SPRY1: variants seen among roughly 807,000 people sequenced by gnomAD.
SPRY1 encodes the protein sprouty RTK signaling antagonist 1.
Under a neutral mutation model 22.6 loss-of-function variants are expected in SPRY1, and 20 were observed. That is an observed-to-expected ratio of 0.89 (90% CI 0.62 to 1.29). SPRY1 has a LOEUF of 1.29. Among genes scored for constraint, SPRY1 ranks in the 50% most tolerant of loss-of-function variants. The pLI is 0.00. For synonymous variants in SPRY1, 155 were observed against 144.7 expected (o/e 1.07, Z -0.51); for missense variants, 446 against 387.7 (o/e 1.15, Z -1.26).
At chr4:123,398,141 C>T (rs187210310) in intron 2 of SPRY1, 1 of 152,380 alleles carries the variant, frequency 6.6e-6, no homozygotes, top group Non-Finnish European at 1.5e-5. Context: ...TCCGCCACTC[C>T]CCTACTTGTT....
At position 123,401,709 on chromosome 4, in the gene SPRY1, T is replaced by C; in HGVS notation, c.118T>C (p.Ser40Pro). ...AGAGATTCAGCCTACTGCTATTTTG[T>C]CCTTAGACCAGATCAAGGCCATAAG... ...EREIQPTAIL[S>P]LDQIKAIRGS... The change falls in exon 3 of 3, where the codon TCC (serine) becomes CCC (proline). Residue 40 changes from serine to proline, a missense_variant. Transcript: ENST00000651917. The C allele has an allele frequency of 1.2e-6, 2 of 1,614,094 alleles. No individual in the cohort carries two copies. The highest frequency in any genetic ancestry group is 1.7e-6 in the Non-Finnish European group (2 of 1,180,026).
At chr4:123,401,343 C>T (rs970169904) in intron 2 of SPRY1, among the ~76,000 whole-genome samples, 194 bp from the exon 3 acceptor site, 4 of 152,148 alleles carry the variant, frequency 2.6e-5, no homozygotes, top group Non-Finnish European at 5.9e-5. Context: ...TTATAGTCTT[C>T]CTCTATGATG....
rs1374752156 is a variant in SPRY1 at position 123,402,435 on chromosome 4, C to A, written c.844C>A (p.Leu282Met). 1.2e-6 allele frequency: 2 copies of A among 1,614,056 alleles called. No individual in the cohort carries two copies. Among genetic ancestry groups the A allele is most frequent in the African/African-American group, 2.7e-5 (2 of 74,936 alleles). The change falls in exon 3 of 3, where the codon CTG becomes ATG. Residue 282 changes from leucine (L) to methionine (M), a missense_variant. Transcript: ENST00000651917. The part of the protein sequence containing the change: ...CYPPAKGCLK[L>M]CRRCYDWIHR... ...TCCTCCTGCTAAAGGATGCCTGAAGCTGTGCAGGAGGTGTTATGACTGGAT... is the reference window on the plus strand; with the variant it reads ...TCCTCCTGCTAAAGGATGCCTGAAGATGTGCAGGAGGTGTTATGACTGGAT...
chr4:123,400,036 C>G (rs1194348662), intron 2 of SPRY1: 2 of 152,214 alleles, frequency 1.3e-5, no homozygotes, highest in Non-Finnish European at 2.9e-5. Flanking sequence ...ATGGGTTACA[C>G]TATTCAAATC....
At chr4:123,397,127 C>T (rs957216535) in intron 1 of SPRY1, among the ~76,000 whole-genome samples, 195 bp downstream of exon 1, 8 of 152,134 alleles carry the variant, frequency 5.3e-5, no homozygotes, top group Admixed American at 2.6e-4. Context: ...AAAGAAAAAG[C>T]AGGGTCCCTT....
At position 123,401,798 on chromosome 4, in the gene SPRY1, A is replaced by G; in HGVS notation, c.207A>G (p.Pro69=). ...VVKRPAPRTA[P]RQEKHERTHE... is the part of the protein sequence containing the mutation. Reference sequence around the variant, plus strand: ...AAAGACCTGCTCCTCGGACAGCACCAAGACAAGAAAAGCATGAAAGGACTC... The same window carrying G: ...AAAGACCTGCTCCTCGGACAGCACCGAGACAAGAAAAGCATGAAAGGACTC... The change falls in exon 3 of 3, where the codon CCA becomes CCG. Residue 69 remains proline (P), a synonymous_variant. Transcript: ENST00000651917. The G allele has an allele frequency of 6.2e-7, 1 of 1,614,248 alleles. No homozygotes were observed. The highest frequency in any genetic ancestry group is 8.5e-7 in the Non-Finnish European group (1 of 1,180,036).
chr4:123,402,558 GA>G lies in SPRY1; in HGVS notation c.*8del. 6.3e-7 allele frequency: 1 copy of G among 1,595,942 alleles called. No individual in the cohort carries two copies. The highest frequency in any genetic ancestry group is 2.2e-5 in the East Asian group (1 of 44,466). On this transcript the variant is annotated 3_prime_UTR_variant, in exon 3 of 3. Coordinates refer to ENST00000651917, the MANE Select transcript of SPRY1 (RefSeq NM_001258038.2). ...TCAGGGTAAACCATCATGATTTTTGGAGGTGGGTTGTACCTCCTGAACTTTT... is the reference window on the plus strand; with the variant it reads ...TCAGGGTAAACCATCATGATTTTTGGGGTGGGTTGTACCTCCTGAACTTTT...
chr4:123,400,110 T>G (rs1265853707), intron 2 of SPRY1: 1 of 152,174 alleles, frequency 6.6e-6, no homozygotes, highest in East Asian at 1.9e-4. Context: ...AGCACTGAGT[T>G]AAGAAGTTCT....
rs372465638 is a variant in SPRY1, at chr4:123,402,971, C to CT, written c.*421dup. On this transcript the variant is annotated 3_prime_UTR_variant, in exon 3 of 3. Coordinates refer to ENST00000651917, the MANE Select transcript of SPRY1 (RefSeq NM_001258038.2). ...GCAACTGTTTAATTGCTTAAATAAG[C>CT]TATGTATTAAATCTGTCTCCAGTTA... 54 of 425,746 alleles carry CT rather than the reference C, an allele frequency of 1.3e-4. No homozygotes were observed. Among genetic ancestry groups the CT allele is most frequent in the African/African-American group, 1.0e-3 (51 of 48,878 alleles). 26.4% of individuals were successfully genotyped at this position (425,746 alleles called of 1,614,324 possible).
rs374778958 is a variant in SPRY1, at chr4:123,401,578, C to T, written c.-14C>T. On this transcript the variant is annotated 5_prime_UTR_variant, in exon 3 of 3. The change creates a premature stop within an existing upstream ORF in the 5' untranslated region. Transcript: ENST00000651917. ...CAGGTTTCCACTGATTGCCAGAACT[C>T]GAGATCACTACACATGGATCCCCAA... 3.7e-6 allele frequency: 6 copies of T among 1,604,996 alleles called. No homozygotes were observed. Among genetic ancestry groups the T allele is most frequent in the Non-Finnish European group, 3.4e-6 (4 of 1,173,456 alleles).
intron 2 of SPRY1, chr4:123,400,202 T>TG (rs1725091483): frequency 6.6e-6 from 1 of 152,104 alleles, no homozygotes. Flanking sequence ...TATGAATGTG[T>TG]TACTCCTCAT....
rs1163076321 is a variant in SPRY1, at chr4:123,402,973, A to G, written c.*422A>G. The G allele has an allele frequency of 1.4e-5, 6 of 425,434 alleles. No homozygotes were observed. The highest frequency in any genetic ancestry group is 2.2e-5 in the Non-Finnish European group (5 of 232,538). The allele number at this position is 425,434 out of a possible 1,614,324, so 26.4% of individuals were successfully genotyped here. A position where few individuals can be genotyped will look rare whatever the true frequency, so the allele number is the denominator to read the frequency against. On this transcript the variant is annotated 3_prime_UTR_variant, in exon 3 of 3. Coordinates refer to ENST00000651917, the MANE Select transcript of SPRY1 (RefSeq NM_001258038.2). ...AACTGTTTAATTGCTTAAATAAGCT[A>G]TGTATTAAATCTGTCTCCAGTTAGG...
chr4:123,401,760 C>T lies in SPRY1; in HGVS notation c.169C>T (p.Pro57Ser). The change falls in exon 3 of 3, where the codon CCT becomes TCT. Residue 57 changes from proline to serine, a missense_variant. Physicochemically the swap from Pro to Ser is moderately conservative, Grantham distance 74 (BLOSUM62 -1). Transcript: ENST00000651917. ...AGGCAGCAATGAATACACAGAAGGG[C>T]CTTCGGTGGTGAAAAGACCTGCTCC... ...IRGSNEYTEG[P>S]SVVKRPAPRT... The T allele has an allele frequency of 6.2e-7, 1 of 1,614,168 alleles. No individual in the cohort carries two copies. Among genetic ancestry groups the T allele is most frequent in the South Asian group, 1.1e-5 (1 of 91,072 alleles).
At chr4:123,399,136 G>C (rs1280948083) in intron 2 of SPRY1, among the ~76,000 whole-genome samples, 1 of 152,122 alleles carries the variant, frequency 6.6e-6, no homozygotes, top group Non-Finnish European at 1.5e-5. Flanking sequence ...CAGCACTTGG[G>C]GGGGCCGAGG....
Position 123,403,135 on chromosome 4 carries a change from T to TAA in SPRY1, c.*585_*586insAA, listed in dbSNP as rs1376989535. ...TTCCCCCTCAGTTTTGTTGTTGTCTTACTCTGGAGATGCCAAGTGTATTTT... is the reference window on the plus strand; with the variant it reads ...TTCCCCCTCAGTTTTGTTGTTGTCTTAAACTCTGGAGATGCCAAGTGTATTTT... On this transcript the variant is annotated 3_prime_UTR_variant, in exon 3 of 3. Transcript: ENST00000651917. 7.8e-6 allele frequency: 2 copies of TAA among 255,844 alleles called. No homozygotes were observed. Among genetic ancestry groups the TAA allele is most frequent in the African/African-American group, 4.5e-5 (2 of 44,904 alleles). The allele number at this position is 255,844 out of a possible 1,614,324, so 15.8% of individuals were successfully genotyped here. A position where few individuals can be genotyped will look rare whatever the true frequency, so the allele number is the denominator to read the frequency against.
chr4:123,402,601 CTGTTTTT>C lies in SPRY1; in HGVS notation c.*58_*64del. ...TGAACTTTTAGCTTTCAAGTTGTGG[CTGTTTTT>C]TGTTTTTGTTTTTGTTTTTGTTTTC... On this transcript the variant is annotated 3_prime_UTR_variant, in exon 3 of 3. Coordinates refer to ENST00000651917, the MANE Select transcript of SPRY1 (RefSeq NM_001258038.2). The C allele has an allele frequency of 6.5e-7, 1 of 1,537,716 alleles. No homozygotes were observed. Among genetic ancestry groups the C allele is most frequent in the Non-Finnish European group, 8.7e-7 (1 of 1,146,456 alleles).
chr4:123,401,351 ATG>A (rs980568345), intron 2 of SPRY1, among the ~76,000 whole-genome samples, 184 bp from the exon 3 acceptor site: 2 of 152,108 alleles, frequency 1.3e-5, no homozygotes, highest in African/African-American at 4.8e-5. Flanking sequence ...TTCCTCTATG[ATG>A]TGGTCCCCAG....
At chr4:123,398,328 G>A (rs1281540655) in intron 2 of SPRY1, 11 of 151,824 alleles carry the variant, frequency 7.2e-5, no homozygotes, top group Non-Finnish European at 1.2e-4. Flanking sequence ...GCCGGAAGGG[G>A]GCCGCGGGGA....
At position 123,401,044 on chromosome 4, in the gene SPRY1, T is replaced by C. The variant is rs6834648; in HGVS notation, c.-55-493T>C. Among the ~76,000 whole-genome samples, 323 of 152,344 alleles carry C rather than the reference T, an allele frequency of 2.1e-3. 2 individuals carry two copies. Among genetic ancestry groups the C allele is most frequent in the African/African-American group, 7.2e-3 (298 of 41,590 alleles). Reference sequence around the variant, plus strand: ...TCAATTTTTTAATGCCTTAATTTTTTTCATCATTAATCTAATGCATATAAC... The same window carrying C: ...TCAATTTTTTAATGCCTTAATTTTTCTCATCATTAATCTAATGCATATAAC... On this transcript the variant is annotated intron_variant, in intron 2 of 2. Transcript: ENST00000651917.
Sources: allele counts gnomAD v4.1 joint callset (sites outside exome capture counted in the v4.1 genomes callset), GRCh38; gene constraint gnomAD v4.1.1; transcripts MANE v1.5; gene names NCBI Gene and HGNC (gene_info 2026-07-23, HGNC 2026-07-21).